CDIN1: variants seen among roughly 807,000 people sequenced by gnomAD.
CDIN1 encodes the protein CDAN1 interacting nuclease 1.
In CDIN1, 33 loss-of-function variants were observed where a neutral mutation model predicts 45.3. The observed-to-expected ratio is 0.73, with a 90% CI of 0.55 to 0.97. CDIN1 has a LOEUF of 0.97. Among genes scored for constraint, CDIN1 ranks in the 50% least tolerant of loss-of-function variants. The pLI is 0.00. For missense variants in CDIN1, 303 were observed against 339.4 expected (o/e 0.89, Z 0.84); for synonymous variants, 118 against 124.4 (o/e 0.95, Z 0.34).
At chr15:36,733,646 C>A (rs2043911454) in intron 10 of CDIN1, among the ~76,000 whole-genome samples, 1 of 151,954 alleles carries the variant, frequency 6.6e-6, no homozygotes, top group South Asian at 2.1e-4. Context: ...TAGAAAAAAT[C>A]ATGTGTTTAT....
intron 1 of CDIN1, among the ~76,000 whole-genome samples, chr15:36,599,557 A>G (rs1158337968): frequency 6.6e-6 from 1 of 152,214 alleles, no homozygotes; most frequent in Non-Finnish European, 1.5e-5. Flanking sequence ...GATCTGATAA[A>G]TTATTCGGTA....
intron 5 of CDIN1, 131 bp from the exon 6 acceptor site, chr15:36,691,554 A>C (rs2042251237): frequency 1.6e-6 from 1 of 613,114 alleles, no homozygotes; most frequent in African/African-American, 1.9e-5. Flanking sequence ...TTATAGAAAA[A>C]GGAAAAAATG....
chr15:36,647,198 A>G (rs2040369612), intron 3 of CDIN1, among the ~76,000 whole-genome samples: 1 of 151,702 alleles, frequency 6.6e-6, no homozygotes, highest in Admixed American at 6.6e-5. Context: ...TAATTAAAAA[A>G]AAAAGTTTAT....
At chr15:36,602,497 A>T (rs2038154185) in intron 1 of CDIN1, among the ~76,000 whole-genome samples, 1 of 152,196 alleles carries the variant, frequency 6.6e-6, no homozygotes, top group Non-Finnish European at 1.5e-5. Flanking sequence ...TTACTAGGTG[A>T]CCATAAATTC....
At chr15:36,721,486 A>G (rs978956196) in intron 10 of CDIN1, among the ~76,000 whole-genome samples, 2 of 152,220 alleles carry the variant, frequency 1.3e-5, no homozygotes, top group African/African-American at 2.4e-5. Context: ...AAATTTTCAG[A>G]TATCTTTCTG....
intron 5 of CDIN1, among the ~76,000 whole-genome samples, chr15:36,690,610 C>G (rs1299172443): frequency 6.6e-6 from 1 of 152,050 alleles, no homozygotes; most frequent in African/African-American, 2.4e-5. Context: ...TAGTATAGAG[C>G]TTGATAAAGA....
chr15:36,719,365 G>C (rs1294575668), intron 10 of CDIN1, among the ~76,000 whole-genome samples: 1 of 152,076 alleles, frequency 6.6e-6, no homozygotes, highest in African/African-American at 2.4e-5. Flanking sequence ...TGCTGTTTCT[G>C]CATCTATTAC....
chr15:36,617,137 C>T lies in CDIN1; in HGVS notation c.102-27141C>T. ...AACATCTAAAGGAACTGGTTTAAAT[C>T]CTAATGCCAAAGTATGGCAAGAAAT... On this transcript the variant is annotated intron_variant, in intron 1 of 10. Coordinates refer to ENST00000566621, the MANE Select transcript of CDIN1 (RefSeq NM_001321759.2). 1.4e-5 allele frequency: 13 copies of T among 958,882 alleles called. No homozygotes were observed. The South Asian group carries it at 1.4e-4, about 10-fold the overall frequency. 59.4% of individuals were successfully genotyped at this position (958,882 alleles called of 1,614,324 possible). A position where few individuals can be genotyped will look rare whatever the true frequency, so the allele number is the denominator to read the frequency against.
intron 10 of CDIN1, among the ~76,000 whole-genome samples, chr15:36,787,384 T>C (rs1207299797): frequency 2.0e-5 from 3 of 152,228 alleles, no homozygotes; most frequent in Admixed American, 6.5e-5. Context: ...GTAATATTAG[T>C]AGCTGTGCTC....
chr15:36,634,226 C>T (rs913414431), intron 1 of CDIN1, among the ~76,000 whole-genome samples: 2 of 152,074 alleles, frequency 1.3e-5, no homozygotes, highest in South Asian at 2.1e-4. Context: ...ATCAGGAGAT[C>T]GAGACCATCC....
intron 1 of CDIN1, among the ~76,000 whole-genome samples, chr15:36,642,439 T>G (rs544943394): frequency 1.3e-5 from 2 of 152,302 alleles, no homozygotes; most frequent in South Asian, 2.1e-4. Flanking sequence ...TTCTAGCCAG[T>G]TTTTACCCCC....
intron 10 of CDIN1, among the ~76,000 whole-genome samples, chr15:36,807,137 C>T (rs1438887109): frequency 6.6e-6 from 1 of 152,070 alleles, no homozygotes; most frequent in Non-Finnish European, 1.5e-5. Context: ...ATGTGGATCC[C>T]CAAATAAACC....
intron 10 of CDIN1, among the ~76,000 whole-genome samples, chr15:36,777,692 C>A (rs1011424743): frequency 6.6e-6 from 1 of 152,308 alleles, no homozygotes; most frequent in South Asian, 2.1e-4. Context: ...CTCACTGCAA[C>A]CTCCGCCTCC....
intron 1 of CDIN1, among the ~76,000 whole-genome samples, chr15:36,580,487 G>A (rs1238195288): frequency 6.6e-6 from 1 of 152,180 alleles, no homozygotes; most frequent in African/African-American, 2.4e-5. Context: ...AGGGTACCCA[G>A]GGATTCCACT....
chr15:36,728,127 C>T (rs969356684), intron 10 of CDIN1, among the ~76,000 whole-genome samples: 1 of 152,128 alleles, frequency 6.6e-6, no homozygotes, highest in Non-Finnish European at 1.5e-5. Context: ...CCTCATATGG[C>T]TTTGTATGTG....
intron 1 of CDIN1, among the ~76,000 whole-genome samples, chr15:36,600,111 T>C (rs1247358030): frequency 1.3e-5 from 2 of 152,176 alleles, no homozygotes; most frequent in African/African-American, 2.4e-5. Context: ...TTCAGCAGGG[T>C]TTTGTCCCTG....
intron 10 of CDIN1, among the ~76,000 whole-genome samples, chr15:36,793,925 T>C (rs1442930019): frequency 2.6e-5 from 4 of 152,116 alleles, no homozygotes; most frequent in East Asian, 1.9e-4. Context: ...TCGCTAGTTA[T>C]CTGTTTACAT....
chr15:36,740,684 T>A (rs890187985), intron 10 of CDIN1, among the ~76,000 whole-genome samples: 1 of 151,966 alleles, frequency 6.6e-6, no homozygotes, highest in Non-Finnish European at 1.5e-5. Context: ...AGGTCGGGAG[T>A]TCGAGACCAG....
chr15:36,780,329 T>A (rs952731940), intron 10 of CDIN1, among the ~76,000 whole-genome samples: 2 of 152,112 alleles, frequency 1.3e-5, no homozygotes, highest in East Asian at 3.9e-4. Flanking sequence ...CCAAGCTGAG[T>A]CAGGAAACCT....
Sources: gnomAD v4.1 joint callset for allele counts (sites outside exome capture counted in the v4.1 genomes callset) on GRCh38, gnomAD v4.1.1 for gene constraint, MANE v1.5 for transcripts, NCBI Gene and HGNC (gene_info 2026-07-23, HGNC 2026-07-21) for gene names.